The following AMD1 variants were observed in gnomAD, a reference collection of about 807,000 sequenced individuals.
The protein encoded by AMD1 is S-adenosylmethionine decarboxylase proenzyme.
In AMD1, 11 loss-of-function variants were observed where a neutral mutation model predicts 40.2. That is an observed-to-expected ratio of 0.27 (90% confidence interval 0.17 to 0.45). AMD1 has a LOEUF of 0.45. Ranked by LOEUF, AMD1 falls within the 20% of genes least tolerant of loss-of-function variation. The probability of loss-of-function intolerance (pLI) is 1.00; values close to 1 mark genes in which losing one functional copy is unlikely to be tolerated. For synonymous variants in AMD1, 121 were observed against 130.8 expected, an observed-to-expected ratio of 0.93 and a Z score of 0.51; for missense variants, 257 against 410.2, an observed-to-expected ratio of 0.63 and a Z score of 3.23.
the AMD1 span, among the ~76,000 whole-genome samples, chr6:110,836,260 C>A: frequency 2.0e-5 from 3 of 151,974 alleles, no homozygotes; most frequent in Non-Finnish European, 4.4e-5. Context: ...CAATGCTCAT[C>A]TTTGGAGGTG....
At chr6:110,855,065 C>CTTTTTTTTTTTTTTT in the AMD1 span, among the ~76,000 whole-genome samples, 222 of 80,446 alleles carry the variant, frequency 2.8e-3, 11 homozygotes, top group East Asian at 5.6e-3. Context: ...CTCTCTCTCT[C>CTTTTTTTTTTTTTTT]TTTTTTTTTT....
the AMD1 span, among the ~76,000 whole-genome samples, chr6:110,822,413 C>T: frequency 1.5e-4 from 23 of 152,116 alleles, no homozygotes; most frequent in African/African-American, 4.8e-4. Context: ...AGACCAATAA[C>T]AAGCAGTGAG....
chr6:110,866,146 CATTT>C, the AMD1 span, among the ~76,000 whole-genome samples: 1 of 151,892 alleles, frequency 6.6e-6, no homozygotes, highest in Non-Finnish European at 1.5e-5. Context: ...AATTTTAGTT[CATTT>C]ATTGATTGTT....
chr6:110,868,211 G>A, the AMD1 span, among the ~76,000 whole-genome samples: 4 of 151,908 alleles, frequency 2.6e-5, no homozygotes, highest in South Asian at 4.2e-4. Context: ...ACAGTGGTGC[G>A]ATCTCGGCTC....
the AMD1 span, chr6:110,858,602 G>C: frequency 1.3e-6 from 2 of 1,574,298 alleles, no homozygotes. Flanking sequence ...GCAGCTGCAG[G>C]TGTCTCTTCT....
At chr6:110,818,309 G>A in the AMD1 span, among the ~76,000 whole-genome samples, 1 of 152,138 alleles carries the variant, frequency 6.6e-6, no homozygotes, top group East Asian at 1.9e-4. Context: ...GGGATAGGAA[G>A]TGGGCTCAAA....
chr6:110,819,082 G>T, the AMD1 span, among the ~76,000 whole-genome samples: 2 of 152,178 alleles, frequency 1.3e-5, no homozygotes, highest in Non-Finnish European at 2.9e-5. Flanking sequence ...TCTGGGCCGG[G>T]TGCAGTGGCT....
the AMD1 span, among the ~76,000 whole-genome samples, chr6:110,819,333 G>A: frequency 6.6e-6 from 1 of 152,190 alleles, no homozygotes; most frequent in Admixed American, 6.5e-5. Context: ...CTCCAGCCTG[G>A]GCAACAAGAT....
intron 1 of AMD1, 68 bp downstream of exon 1, chr6:110,875,283 C>G: frequency 1.6e-6 from 2 of 1,261,488 alleles, no homozygotes; most frequent in Non-Finnish European, 2.3e-6. Flanking sequence ...GCACCAGCCA[C>G]GGGTGGAGCC....
At chr6:110,866,732 G>A in the AMD1 span, among the ~76,000 whole-genome samples, 3 of 152,018 alleles carry the variant, frequency 2.0e-5, no homozygotes, top group African/African-American at 2.4e-5. Context: ...GGAAGGGAGG[G>A]GTGTAAGTCA....
intron 1 of AMD1, among the ~76,000 whole-genome samples, chr6:110,884,784 G>A (rs773112932): frequency 2.0e-5 from 3 of 152,182 alleles, no homozygotes; most frequent in African/African-American, 4.8e-5. Context: ...GCCATGGAAC[G>A]TGTTTAAAAG....
chr6:110,868,074 C>T, the AMD1 span, among the ~76,000 whole-genome samples: 59 of 152,220 alleles, frequency 3.9e-4, 2 homozygotes, highest in South Asian at 0.012. Flanking sequence ...ACCCTCCTGC[C>T]TCCGCCTTCC....
intron 1 of AMD1, among the ~76,000 whole-genome samples, chr6:110,879,417 TA>T (rs1238590505): frequency 6.6e-6 from 1 of 152,202 alleles, no homozygotes; most frequent in East Asian, 1.9e-4. Flanking sequence ...ATGTTGAAAG[TA>T]GCAGAAAACT....
At chr6:110,841,934 C>T in the AMD1 span, among the ~76,000 whole-genome samples, 1 of 152,088 alleles carries the variant, frequency 6.6e-6, no homozygotes, top group East Asian at 1.9e-4. Flanking sequence ...TCCCAGGTAG[C>T]TGGGACTACA....
chr6:110,827,153 C>T, the AMD1 span, among the ~76,000 whole-genome samples: 1 of 152,134 alleles, frequency 6.6e-6, no homozygotes, highest in East Asian at 1.9e-4. Flanking sequence ...TTTACGGGAA[C>T]AGCATTTAAC....
At chr6:110,828,422 G>C in the AMD1 span, among the ~76,000 whole-genome samples, 1 of 149,714 alleles carries the variant, frequency 6.7e-6, no homozygotes, top group South Asian at 2.1e-4. Context: ...GACAAGAGTG[G>C]AACTCTGTCT....
At chr6:110,859,437 C>A in the AMD1 span, among the ~76,000 whole-genome samples, 1 of 152,174 alleles carries the variant, frequency 6.6e-6, no homozygotes, top group Non-Finnish European at 1.5e-5. Flanking sequence ...GGAGAAGAGA[C>A]CTGGGCTTGG....
chr6:110,883,605 T>A (rs187210080), intron 1 of AMD1, among the ~76,000 whole-genome samples: 1 of 152,314 alleles, frequency 6.6e-6, no homozygotes, highest in Non-Finnish European at 1.5e-5. Flanking sequence ...TTGTTGTTTG[T>A]TTTTGAGACA....
the AMD1 span, among the ~76,000 whole-genome samples, chr6:110,843,489 CA>C: frequency 7.0e-5 from 10 of 143,454 alleles, no homozygotes; most frequent in South Asian, 2.3e-4. Context: ...AGTCAAAAAA[CA>C]CACAAGAAAA....
Sources: gnomAD v4.1 joint callset for allele counts (sites outside exome capture counted in the v4.1 genomes callset) on GRCh38, gnomAD v4.1.1 for gene constraint, MANE v1.5 for transcripts, NCBI Gene and HGNC (gene_info 2026-07-23, HGNC 2026-07-21) for gene names.